The following FRY variants were observed in gnomAD, a reference collection of about 807,000 sequenced individuals.
FRY encodes FRY microtubule binding protein, also known as protein furry homolog.
Under a neutral mutation model 348.4 loss-of-function variants are expected in FRY, and 128 were observed. That is an observed-to-expected ratio of 0.37 (90% CI 0.32 to 0.43). FRY has a LOEUF of 0.43. Ranked by LOEUF, FRY falls within the 20% of genes least tolerant of loss-of-function variation. The pLI, the probability that FRY is intolerant of heterozygous loss-of-function variation, is 1.00. For missense variants in FRY, 2,736 were observed against 3,695.2 expected, an observed-to-expected ratio of 0.74 and a Z score of 6.73; for synonymous variants, 1,370 against 1,374.7, an observed-to-expected ratio of 1.00 and a Z score of 0.08.
At chr13:32,214,220 A>G (rs1884848257) in intron 35 of FRY, among the ~76,000 whole-genome samples, 1 of 152,130 alleles carries the variant, frequency 6.6e-6, no homozygotes, top group East Asian at 1.9e-4. Flanking sequence ...CAGTCTACTT[A>G]TCACCCTTCC....
Position 32,034,849 on chromosome 13 carries a change from C to T in FRY, c.70+2984C>T, listed in dbSNP as rs914362951. 8.5e-5 allele frequency among the ~76,000 whole-genome samples: 13 copies of T among 152,318 alleles called. No individual in the cohort carries two copies. In the East Asian group the frequency reaches 2.5e-3, roughly 29 times the overall value. On this transcript the variant is annotated intron_variant, in intron 1 of 60. Coordinates refer to ENST00000542859, the MANE Select transcript of FRY (RefSeq NM_023037.3). ...CTCTCCTCTGTATTTAACTAACATG[C>T]TCCCAAATTCATGCCTGTACACCCA...
At chr13:32,185,617 T>C (rs1277561711) in intron 26 of FRY, among the ~76,000 whole-genome samples, 4 of 152,154 alleles carry the variant, frequency 2.6e-5, no homozygotes, top group African/African-American at 9.7e-5. Flanking sequence ...ATGGAGAAAA[T>C]TATCTTTCAC....
At chr13:32,091,977 C>A (rs892845807) in intron 2 of FRY, among the ~76,000 whole-genome samples, 19 of 152,156 alleles carry the variant, frequency 1.2e-4, no homozygotes, top group African/African-American at 4.6e-4. Flanking sequence ...GCATCTTAAG[C>A]AAGGTTAGTG....
intron 2 of FRY, among the ~76,000 whole-genome samples, chr13:32,090,086 T>C (rs374175923): frequency 2.0e-3 from 298 of 151,708 alleles, no homozygotes; most frequent in African/African-American, 5.8e-3. Context: ...CTGTGGCTCA[T>C]GCCTGTAATC....
chr13:32,106,866 T>C (rs1455122989), intron 3 of FRY, among the ~76,000 whole-genome samples: 1 of 152,256 alleles, frequency 6.6e-6, no homozygotes, highest in East Asian at 1.9e-4. Context: ...TAGAACTATT[T>C]ACAGTTCTGT....
chr13:32,079,174 GA>G, intron 2 of FRY, 141 bp downstream of exon 2: 1 of 742,134 alleles, frequency 1.3e-6, no homozygotes, highest in South Asian at 1.4e-5. Flanking sequence ...ATGTTTTAAA[GA>G]TAATAGTTAG....
chr13:32,080,892 A>G (rs575834623), intron 2 of FRY, among the ~76,000 whole-genome samples: 1 of 152,342 alleles, frequency 6.6e-6, no homozygotes, highest in South Asian at 2.1e-4. Flanking sequence ...AGGAGCTGTG[A>G]AGTTGTACAA....
intron 46 of FRY, among the ~76,000 whole-genome samples, chr13:32,241,350 C>T (rs1886490422): frequency 6.6e-6 from 1 of 152,144 alleles, no homozygotes; most frequent in Non-Finnish European, 1.5e-5. Flanking sequence ...TGTGTGCTTC[C>T]ACGTGGGTGA....
chr13:32,055,858 A>G (rs1873594184), intron 1 of FRY, among the ~76,000 whole-genome samples: 1 of 152,170 alleles, frequency 6.6e-6, no homozygotes, highest in Non-Finnish European at 1.5e-5. Flanking sequence ...TCATTAACAT[A>G]GAATCCCTTC....
At chr13:32,236,024 G>C in intron 42 of FRY, 54 bp from the exon 43 acceptor site, 2 of 1,162,830 alleles carry the variant, frequency 1.7e-6, no homozygotes, top group South Asian at 2.4e-5. Flanking sequence ...TTTATCTTAG[G>C]AAATTAACAA....
intron 1 of FRY, among the ~76,000 whole-genome samples, chr13:32,060,554 T>C (rs1873881898): frequency 6.6e-6 from 1 of 152,216 alleles, no homozygotes; most frequent in South Asian, 2.1e-4. Flanking sequence ...GAAAGCTGTT[T>C]GTATTCATGG....
In FRY at chr13:32,194,301, C is replaced by T. The variant is rs367778187; in HGVS notation, c.3746+4C>T. 5.3e-5 allele frequency: 85 copies of T among 1,613,740 alleles called. No homozygotes were observed. Among genetic ancestry groups the T allele is most frequent in the Middle Eastern group, 3.3e-4 (2 of 6,062 alleles). Reference sequence around the variant, plus strand: ...TAGCAACTGTGTGTGGAAGCAGGTACGAATTTTTATAAGCAGTGATGAGTG... The same window carrying T: ...TAGCAACTGTGTGTGGAAGCAGGTATGAATTTTTATAAGCAGTGATGAGTG... On this transcript the variant is annotated splice_donor_region_variant and intron_variant, in intron 29 of 60. Coordinates refer to ENST00000542859, the MANE Select transcript of FRY (RefSeq NM_023037.3).
intron 29 of FRY, among the ~76,000 whole-genome samples, chr13:32,196,434 T>C (rs955867823): frequency 6.6e-6 from 1 of 152,220 alleles, no homozygotes; most frequent in Non-Finnish European, 1.5e-5. Flanking sequence ...TTAAATTTTC[T>C]ACTTTAGCTT....
chr13:32,169,721 T>A (rs974210693), intron 17 of FRY, among the ~76,000 whole-genome samples: 1 of 152,146 alleles, frequency 6.6e-6, no homozygotes, highest in African/African-American at 2.4e-5. Context: ...CCGAACTCCA[T>A]ATCCTAAGTG....
At chr13:32,134,561 C>CT (rs1246318583) in intron 8 of FRY, among the ~76,000 whole-genome samples, 1 of 152,174 alleles carries the variant, frequency 6.6e-6, no homozygotes, top group Non-Finnish European at 1.5e-5. Flanking sequence ...AACACACACA[C>CT]TAAGTAATAA....
At chr13:32,182,905 G>A in intron 23 of FRY, 72 bp from the exon 24 acceptor site, 1 of 908,344 alleles carries the variant, frequency 1.1e-6, no homozygotes, top group African/African-American at 1.6e-5. Flanking sequence ...GGATTAAATG[G>A]ATATAGAGTA....
Position 32,053,052 on chromosome 13 carries a change from G to A in FRY, c.70+21187G>A, listed in dbSNP as rs964713979. Among the ~76,000 whole-genome samples, 4 of 151,788 alleles carry A rather than the reference G, an allele frequency of 2.6e-5. No individual in the cohort carries two copies. In the South Asian group the frequency reaches 6.2e-4, roughly 24 times the overall value. On this transcript the variant is annotated intron_variant, in intron 1 of 60. Coordinates refer to ENST00000542859, the MANE Select transcript of FRY (RefSeq NM_023037.3). The stretch of plus-strand genomic sequence containing the variant: ...CGCTTGAACCCGGGAGGCGGAGGTC[G>A]CAATGAGCTGAGATCGCACCACTGC...
intron 57 of FRY, 45 bp from the exon 58 acceptor site, chr13:32,278,420 G>A (rs1484844230): frequency 2.0e-6 from 2 of 983,488 alleles, no homozygotes; most frequent in Non-Finnish European, 3.3e-6. Context: ...AATGTTCTCA[G>A]AACATTGCTG....
chr13:32,111,931 C>G (rs977772270), intron 3 of FRY, among the ~76,000 whole-genome samples: 1 of 152,234 alleles, frequency 6.6e-6, no homozygotes, highest in African/African-American at 2.4e-5. Context: ...CTACCTTTCT[C>G]TCAAGGGTCT....
Sources: gnomAD v4.1 joint callset for allele counts (sites outside exome capture counted in the v4.1 genomes callset) on GRCh38, gnomAD v4.1.1 for gene constraint, MANE v1.5 for transcripts, NCBI Gene and HGNC (gene_info 2026-07-23, HGNC 2026-07-21) for gene names.